PSTPIP2: variants seen among roughly 807,000 people sequenced by gnomAD.
PSTPIP2 encodes proline-serine-threonine phosphatase interacting protein 2, also known as proline-serine-threonine phosphatase-interacting protein 2.
A neutral mutation model predicts 63.3 loss-of-function variants in PSTPIP2; 33 were observed. The ratio of observed to expected loss-of-function variants is 0.52; its 90% CI spans 0.40 to 0.70. The LOEUF (loss-of-function observed/expected upper bound fraction) is 0.70. Among genes scored for constraint, PSTPIP2 ranks in the 30% least tolerant of loss-of-function variants. The pLI, the probability that PSTPIP2 is intolerant of heterozygous loss-of-function variation, is 0.00. For missense variants in PSTPIP2, 312 were observed against 400.7 expected (o/e 0.78, Z 1.89); for synonymous variants, 125 against 132.7 (o/e 0.94, Z 0.40).
At chr18:46,030,682 G>A (rs1427646090) in intron 2 of PSTPIP2, among the ~76,000 whole-genome samples, 3 of 152,162 alleles carry the variant, frequency 2.0e-5, no homozygotes. Context: ...TTATCACTAC[G>A]TAATCTTTTG....
chr18:46,058,137 A>C lies in PSTPIP2; in HGVS notation c.33+14019T>G, dbSNP rs74541712. On this transcript the variant is annotated intron_variant, in intron 1 of 14. Coordinates refer to ENST00000409746, the MANE Select transcript of PSTPIP2 (RefSeq NM_024430.4). ...CCTGCCATTCCTTAGCATGATAATAAGTACACTTCTTCAACATCTCATGTA... is the reference window on the plus strand; with the variant it reads ...CCTGCCATTCCTTAGCATGATAATACGTACACTTCTTCAACATCTCATGTA... Among the ~76,000 whole-genome samples, 110 of 152,248 alleles carry C rather than the reference A, an allele frequency of 7.2e-4. No homozygotes were observed. In the East Asian group the frequency reaches 0.019, roughly 27 times the overall value.
intron 2 of PSTPIP2, chr18:46,029,430 G>A: frequency 7.0e-7 from 1 of 1,423,346 alleles, no homozygotes; most frequent in South Asian, 1.1e-5. Context: ...GTTTATGTTT[G>A]GGATGTGAAC....
intron 1 of PSTPIP2, 150 bp from the exon 2 acceptor site, chr18:46,040,197 G>T: frequency 1.9e-6 from 1 of 527,226 alleles, no homozygotes; most frequent in South Asian, 2.6e-5. Flanking sequence ...GAGCCTGTCA[G>T]GCTTCTCCAC....
intron 9 of PSTPIP2, among the ~76,000 whole-genome samples, chr18:45,996,369 G>A (rs528311829): frequency 2.6e-5 from 4 of 152,274 alleles, no homozygotes; most frequent in African/African-American, 7.2e-5. Flanking sequence ...AGATTGCTGG[G>A]CTTTACCCCC....
intron 9 of PSTPIP2, among the ~76,000 whole-genome samples, chr18:45,994,307 T>C (rs1381912180): frequency 1.3e-5 from 2 of 152,224 alleles, no homozygotes; most frequent in African/African-American, 2.4e-5. Flanking sequence ...ATGTGATACA[T>C]CAGTGTATTT....
intron 2 of PSTPIP2, chr18:46,029,446 G>C: frequency 1.5e-6 from 2 of 1,324,732 alleles, no homozygotes; most frequent in East Asian, 2.3e-5. Flanking sequence ...TGAACTCAAG[G>C]AGGTGCCTTA....
intron 2 of PSTPIP2, among the ~76,000 whole-genome samples, chr18:46,036,812 T>C (rs140734872): frequency 6.6e-6 from 1 of 152,240 alleles, no homozygotes; most frequent in African/African-American, 2.4e-5. Flanking sequence ...AAGTATAGCA[T>C]CTCCCTCTTC....
At chr18:46,003,611 C>G (rs920374068) in intron 6 of PSTPIP2, among the ~76,000 whole-genome samples, 6 of 151,746 alleles carry the variant, frequency 4.0e-5, no homozygotes, top group African/African-American at 1.5e-4. Context: ...GGTCTATGAC[C>G]ATTGGCATTT....
intron 1 of PSTPIP2, among the ~76,000 whole-genome samples, chr18:46,056,073 T>C (rs1432205049): frequency 6.6e-6 from 1 of 152,128 alleles, no homozygotes; most frequent in Non-Finnish European, 1.5e-5. Flanking sequence ...CTCCCTTCTC[T>C]CTCTACAGCA....
At chr18:46,001,770 T>C (rs2051669877) in intron 6 of PSTPIP2, among the ~76,000 whole-genome samples, 1 of 152,100 alleles carries the variant, frequency 6.6e-6, no homozygotes, top group Non-Finnish European at 1.5e-5. Context: ...TGTGGGTACA[T>C]AGTAGGTTTA....
intron 1 of PSTPIP2, among the ~76,000 whole-genome samples, chr18:46,065,469 GTTGT>G (rs895291596): frequency 2.1e-4 from 31 of 150,594 alleles, no homozygotes; most frequent in South Asian, 4.2e-4. Context: ...TTTGTTTTCG[GTTGT>G]TTGTTTGTTT....
At chr18:45,997,872 G>A (rs1184980799) in intron 8 of PSTPIP2, 44 bp from the exon 9 acceptor site, 4 of 1,575,990 alleles carry the variant, frequency 2.5e-6, no homozygotes, top group Non-Finnish European at 2.6e-6. Flanking sequence ...TAGACAGGAA[G>A]GTGGCTCGCA....
intron 1 of PSTPIP2, among the ~76,000 whole-genome samples, 185 bp downstream of exon 1, chr18:46,071,971 C>G (rs1417499316): frequency 6.6e-6 from 1 of 152,172 alleles, no homozygotes; most frequent in African/African-American, 2.4e-5. Context: ...GGCGTCCGCT[C>G]CAAGTCTGCC....
intron 1 of PSTPIP2, among the ~76,000 whole-genome samples, chr18:46,059,042 C>CTT (rs137984691): frequency 7.3e-6 from 1 of 137,160 alleles, no homozygotes; most frequent in African/African-American, 2.6e-5. Context: ...TTTTCTTTTT[C>CTT]TTTTTTTTTT....
At chr18:46,028,398 G>A (rs985348977) in intron 2 of PSTPIP2, 5 of 519,478 alleles carry the variant, frequency 9.6e-6, no homozygotes, top group East Asian at 1.0e-4. Flanking sequence ...GGCCAAGCGC[G>A]GCGAGGGAAG....
intron 10 of PSTPIP2, 82 bp from the exon 11 acceptor site, chr18:45,992,284 G>T: frequency 1.7e-6 from 2 of 1,168,270 alleles, no homozygotes. Flanking sequence ...GGTTTGAGGC[G>T]GGGCGCAGTG....
At chr18:46,020,979 G>A (rs748820141) in intron 3 of PSTPIP2, among the ~76,000 whole-genome samples, 6 of 152,128 alleles carry the variant, frequency 3.9e-5, no homozygotes, top group Non-Finnish European at 7.3e-5. Flanking sequence ...GAGAGAATAC[G>A]GCCATTTTCC....
At chr18:46,023,853 CA>C (rs1313460943) in intron 3 of PSTPIP2, among the ~76,000 whole-genome samples, 1 of 151,250 alleles carries the variant, frequency 6.6e-6, no homozygotes, top group African/African-American at 2.4e-5. Flanking sequence ...ACATACAATA[CA>C]CACACACACA....
At chr18:46,047,907 A>T (rs1908441374) in intron 1 of PSTPIP2, among the ~76,000 whole-genome samples, 2 of 152,200 alleles carry the variant, frequency 1.3e-5, no homozygotes, top group South Asian at 4.1e-4. Context: ...GAAGATACTT[A>T]TTAATTATAA....
Sources: allele counts gnomAD v4.1 joint callset (sites outside exome capture counted in the v4.1 genomes callset), GRCh38; gene constraint gnomAD v4.1.1; transcripts MANE v1.5; gene names NCBI Gene and HGNC (gene_info 2026-07-23, HGNC 2026-07-21).